Variants in INPP4A observed in about 807,000 individuals in gnomAD.
INPP4A encodes the protein inositol polyphosphate-4-phosphatase type I A.
INPP4A carries 33 observed loss-of-function variants against 119.8 expected under a neutral mutation model. The ratio of observed to expected loss-of-function variants is 0.28; its 90% confidence interval spans 0.21 to 0.37. INPP4A has a LOEUF of 0.37. INPP4A is among the 10% of genes least tolerant of loss of function. The probability of loss-of-function intolerance (pLI) is 1.00; values close to 1 mark genes in which losing one functional copy is unlikely to be tolerated. For missense variants in INPP4A, 956 were observed against 1,289.9 expected, an observed-to-expected ratio of 0.74 and a Z score of 3.97; for synonymous variants, 496 against 500.7, an observed-to-expected ratio of 0.99 and a Z score of 0.12.
chr2:98,565,492 G>C, intron 19 of INPP4A, 148 bp from the exon 20 acceptor site: 1 of 705,504 alleles, frequency 1.4e-6, no homozygotes. Context: ...TGAGTTGCAG[G>C]GGAAGAGGCT....
In INPP4A at chr2:98,552,431, T is replaced by A. The variant is rs80051375; in HGVS notation, c.1164-355T>A. Among the ~76,000 whole-genome samples, 994 of 152,346 alleles carry A rather than the reference T, an allele frequency of 6.5e-3. 17 individuals carry two copies. Among genetic ancestry groups the A allele is most frequent in the African/African-American group, 0.022 (931 of 41,584 alleles). ...GGCCTCTATGTCTCCACTTAAGTAC[T>A]GCTTATAAGTTAATAGATGAGGTTG... On this transcript the variant is annotated intron_variant, in intron 13 of 24. Coordinates refer to ENST00000409851, the MANE Select transcript of INPP4A (RefSeq NM_001134225.2).
At chr2:98,543,810 G>C in intron 10 of INPP4A, 67 bp from the exon 11 acceptor site, 1 of 1,590,072 alleles carries the variant, frequency 6.3e-7, no homozygotes, top group Non-Finnish European at 8.6e-7. Flanking sequence ...GTCCTGGGTA[G>C]ACCTCCTGGG....
chr2:98,465,091 C>G (rs978892162), intron 1 of INPP4A, among the ~76,000 whole-genome samples: 4 of 152,192 alleles, frequency 2.6e-5, no homozygotes, highest in African/African-American at 9.6e-5. Context: ...CTTTTAATCC[C>G]TTGTATTAGC....
At chr2:98,499,932 A>G (rs1352202248) in intron 1 of INPP4A, among the ~76,000 whole-genome samples, 2 of 152,182 alleles carry the variant, frequency 1.3e-5, no homozygotes, top group Non-Finnish European at 2.9e-5. Context: ...ACCTGAGCCC[A>G]GGGTCCAGCA....
At position 98,566,371 on chromosome 2, in the gene INPP4A, C is replaced by T. The variant is rs1696447235; in HGVS notation, c.2420+202C>T. Among the ~76,000 whole-genome samples, 2 of 152,116 alleles carry T rather than the reference C, an allele frequency of 1.3e-5. No individual in the cohort carries two copies. The highest frequency in any genetic ancestry group is 1.3e-4 in the Admixed American group (2 of 15,276). Reference sequence around the variant, plus strand: ...GTGACCCAGAGGTGGTCTCTGTCCTCAGGGACTCAGCTGGTGGGAGAGAGA... The same window carrying T: ...GTGACCCAGAGGTGGTCTCTGTCCTTAGGGACTCAGCTGGTGGGAGAGAGA... On this transcript the variant is annotated intron_variant, in intron 21 of 24. Transcript: ENST00000409851. The surrounding 1 kb of genome is among the most constrained non-coding windows in gnomAD (Gnocchi z 4.2).
intron 1 of INPP4A, among the ~76,000 whole-genome samples, chr2:98,457,368 G>A (rs1394214265): frequency 6.6e-6 from 1 of 152,150 alleles, no homozygotes; most frequent in Non-Finnish European, 1.5e-5. Context: ...TACCAGCCTG[G>A]TCGGTATAGT....
chr2:98,538,611 T>C (rs1395085341), intron 8 of INPP4A, among the ~76,000 whole-genome samples: 1 of 152,244 alleles, frequency 6.6e-6, no homozygotes, highest in Non-Finnish European at 1.5e-5. Flanking sequence ...CTTGGCATCA[T>C]CTATTCTCTT....
At chr2:98,536,298 A>G in intron 7 of INPP4A, 90 bp downstream of exon 7, 1 of 786,024 alleles carries the variant, frequency 1.3e-6, no homozygotes, top group South Asian at 1.5e-5. Flanking sequence ...ATACTGAGAG[A>G]GCACCCTTCC....
intron 1 of INPP4A, among the ~76,000 whole-genome samples, chr2:98,509,993 C>T (rs750217697): frequency 6.6e-6 from 1 of 152,166 alleles, no homozygotes; most frequent in Non-Finnish European, 1.5e-5. Context: ...GTGGCTGATG[C>T]AAAGGCCACA....
chr2:98,538,699 G>A (rs1347828346), intron 8 of INPP4A, among the ~76,000 whole-genome samples, 192 bp from the exon 9 acceptor site: 5 of 152,246 alleles, frequency 3.3e-5, no homozygotes, highest in Non-Finnish European at 7.3e-5. Context: ...AGAATTGTGT[G>A]CGCATGAAGT....
chr2:98,518,328 T>C (rs891414925), intron 1 of INPP4A, among the ~76,000 whole-genome samples: 1 of 152,222 alleles, frequency 6.6e-6, no homozygotes, highest in Non-Finnish European at 1.5e-5. Context: ...GATAGGAGCA[T>C]AGCCTGTGAG....
rs1678139769 is a variant in INPP4A, at chr2:98,480,297, GCAT to G, written c.-166+35213_-166+35215del. Among the ~76,000 whole-genome samples the G allele has an allele frequency of 2.6e-5, 4 of 152,330 alleles. No homozygotes were observed. In the South Asian group the frequency reaches 8.3e-4, roughly 32 times the overall value. ...TCACTGAGCATTTACCATATGCTGG[GCAT>G]TGGGCCAGATGTCTGTCTAGGATCA... On this transcript the variant is annotated intron_variant, in intron 1 of 24. Coordinates refer to ENST00000409851, the MANE Select transcript of INPP4A (RefSeq NM_001134225.2).
At chr2:98,531,320 A>G (rs938160407) in intron 4 of INPP4A, among the ~76,000 whole-genome samples, 1 of 152,230 alleles carries the variant, frequency 6.6e-6, no homozygotes, top group Non-Finnish European at 1.5e-5. Context: ...TTCTAGAATT[A>G]AAAGAAAAAT....
rs553445217 is a variant in INPP4A at position 98,566,229 on chromosome 2, C to T, written c.2420+60C>T. On this transcript the variant is annotated intron_variant, in intron 21 of 24. Transcript: ENST00000409851. The surrounding 1 kb of genome is among the most constrained non-coding windows in gnomAD (Gnocchi z 4.2). ...GTGGCCCTGGAGATGATGCAGAAAA[C>T]GTACTTACCCCTCTTCAGGCTCTAA... is the stretch of plus-strand genomic sequence containing the variant. 5.4e-6 allele frequency: 8 copies of T among 1,485,888 alleles called. No individual in the cohort carries two copies. In the South Asian group the frequency reaches 6.7e-5, roughly 12 times the overall value. The allele number at this position is 1,485,888 out of a possible 1,614,324, so 92.0% of individuals were successfully genotyped here.
intron 1 of INPP4A, among the ~76,000 whole-genome samples, chr2:98,474,112 T>C (rs2104902406): frequency 6.6e-6 from 1 of 152,312 alleles, no homozygotes; most frequent in African/African-American, 2.4e-5. Context: ...TTTGAGCAGC[T>C]TGTTTGGAAA....
intron 2 of INPP4A, 119 bp from the exon 3 acceptor site, chr2:98,519,827 C>T: frequency 1.8e-6 from 1 of 543,282 alleles, no homozygotes; most frequent in Non-Finnish European, 3.4e-6. Flanking sequence ...CGGTTCCTCA[C>T]ATGCTGGGGA....
chr2:98,560,922 A>T (rs1695364345), intron 17 of INPP4A, among the ~76,000 whole-genome samples: 1 of 152,216 alleles, frequency 6.6e-6, no homozygotes. Context: ...TGGCCTGTAG[A>T]GCCCTCCTTG....
intron 1 of INPP4A, among the ~76,000 whole-genome samples, chr2:98,467,143 G>A (rs1674951037): frequency 1.3e-5 from 2 of 152,122 alleles, no homozygotes; most frequent in South Asian, 4.1e-4. Flanking sequence ...GGTGGTGGTG[G>A]TGGTGTCCCA....
intron 14 of INPP4A, among the ~76,000 whole-genome samples, chr2:98,553,361 C>CAAG (rs1553508640): frequency 6.6e-6 from 1 of 151,946 alleles, no homozygotes; most frequent in Non-Finnish European, 1.5e-5. Flanking sequence ...ATTATACAGA[C>CAAG]ATAAGAAGAA....
Sources: gnomAD v4.1 joint callset for allele counts (sites outside exome capture counted in the v4.1 genomes callset) on GRCh38, gnomAD v4.1.1 for gene constraint, Gnocchi (gnomAD v3.1) non-coding constraint, MANE v1.5 for transcripts, NCBI Gene and HGNC (gene_info 2026-07-23, HGNC 2026-07-21) for gene names.